Variants in UVSSA observed in about 807,000 individuals in gnomAD.
UVSSA encodes the protein UV-stimulated scaffold protein A.
Under a neutral mutation model 73.9 loss-of-function variants are expected in UVSSA, and 72 were observed. The observed-to-expected ratio is 0.97, with a 90% CI of 0.81 to 1.19. The LOEUF is 1.19. Ranked by LOEUF, UVSSA falls within the 50% of genes most tolerant of loss-of-function variation. The probability of loss-of-function intolerance (pLI) is 0.00; values close to 1 mark genes in which losing one functional copy is unlikely to be tolerated. For missense variants in UVSSA, 1,150 were observed against 965.0 expected, an observed-to-expected ratio of 1.19 and a Z score of -2.54; for synonymous variants, 454 against 391.3, an observed-to-expected ratio of 1.16 and a Z score of -1.89.
chr4:1,376,259 T>C, intron 10 of UVSSA, 91 bp downstream of exon 10: 1 of 1,452,296 alleles, frequency 6.9e-7, no homozygotes, highest in South Asian at 1.4e-5. Flanking sequence ...CCTCCCTGGG[T>C]CTGAGGAAGC....
intron 7 of UVSSA, among the ~76,000 whole-genome samples, chr4:1,359,813 G>A (rs913679400): frequency 2.0e-5 from 3 of 152,204 alleles, no homozygotes; most frequent in South Asian, 4.1e-4. Flanking sequence ...GATGCCAGAA[G>A]CATTCTGCCC....
intron 5 of UVSSA, among the ~76,000 whole-genome samples, chr4:1,353,722 C>T (rs1474345479): frequency 6.6e-6 from 1 of 152,176 alleles, no homozygotes; most frequent in South Asian, 2.1e-4. Context: ...TGTTGCGGTC[C>T]TCAAAGGATG....
At chr4:1,366,166 G>A (rs1044937484) in intron 7 of UVSSA, 154 bp from the exon 8 acceptor site, 3 of 639,222 alleles carry the variant, frequency 4.7e-6, no homozygotes, top group Non-Finnish European at 8.4e-6. Context: ...CCTTGGAGAC[G>A]ATCTTAAATG....
At chr4:1,376,773 C>T (rs1262692452) in intron 10 of UVSSA, among the ~76,000 whole-genome samples, 1 of 152,224 alleles carries the variant, frequency 6.6e-6, no homozygotes, top group Non-Finnish European at 1.5e-5. Context: ...AGCTCGCTGG[C>T]ACGGCCTATC....
At chr4:1,365,422 C>T (rs1717176931) in intron 7 of UVSSA, among the ~76,000 whole-genome samples, 1 of 152,228 alleles carries the variant, frequency 6.6e-6, no homozygotes, top group Non-Finnish European at 1.5e-5. Flanking sequence ...CCTGCCTCTG[C>T]CCACTAAGTC....
chr4:1,358,294 C>CAG (rs1451356611), intron 7 of UVSSA, among the ~76,000 whole-genome samples: 1 of 152,248 alleles, frequency 6.6e-6, no homozygotes, highest in Non-Finnish European at 1.5e-5. Context: ...ATGGTCTGGC[C>CAG]AGCAGATGTG....
chr4:1,353,987 C>T (rs990603514), intron 5 of UVSSA, among the ~76,000 whole-genome samples: 2 of 152,252 alleles, frequency 1.3e-5, no homozygotes, highest in Admixed American at 1.3e-4. Context: ...CTGCTGCCCC[C>T]CTGGGGTGTG....
At chr4:1,344,310 G>A (rs1312797913), upstream of UVSSA, among the ~76,000 whole-genome samples, 2 of 152,014 alleles carry the variant, frequency 1.3e-5, no homozygotes, top group African/African-American at 2.4e-5. Context: ...CAACACTTTC[G>A]GAGGCTGAGG....
chr4:1,369,115 ACGTTCTGC>A (rs112656207), intron 8 of UVSSA, among the ~76,000 whole-genome samples: 11,507 of 152,152 alleles, frequency 0.076, 928 homozygotes, highest in East Asian at 0.24. Flanking sequence ...AGGGCTAACC[ACGTTCTGC>A]CGTTCTGCCG....
intron 7 of UVSSA, 144 bp from the exon 8 acceptor site, chr4:1,366,176 G>A (rs1419323796): frequency 6.0e-6 from 4 of 666,260 alleles, no homozygotes; most frequent in Non-Finnish European, 1.1e-5. Context: ...GATCTTAAAT[G>A]CAGTCCAACC....
chr4:1,355,218 C>A lies in UVSSA; in HGVS notation c.1149C>A (p.Ile383=), dbSNP rs146589878. The part of the protein sequence containing the change: ...LVLRKYKELD[I]EPEGGERRRT... ...TGAGAAAATACAAGGAGCTGGACAT[C>A]GAGCCTGAGGGAGGGGAAAGGCGCA... Residue 383 remains isoleucine, a synonymous_variant, in exon 7 of 14, where the codon ATC becomes ATA. Transcript: ENST00000389851. 4.3e-6 allele frequency: 7 copies of A among 1,612,678 alleles called. No homozygotes were observed. The South Asian group carries it at 6.6e-5, about 15-fold the overall frequency.
chr4:1,376,258 G>A, intron 10 of UVSSA, 90 bp downstream of exon 10: 1 of 1,453,002 alleles, frequency 6.9e-7, no homozygotes, highest in Admixed American at 2.5e-5. Context: ...GCCTCCCTGG[G>A]TCTGAGGAAG....
chr4:1,344,423 C>T (rs566865150), upstream of UVSSA, among the ~76,000 whole-genome samples: 60 of 152,026 alleles, frequency 3.9e-4, no homozygotes, highest in Admixed American at 2.7e-3. Context: ...TGGTGGTGGG[C>T]GCCTGTAATC....
At chr4:1,378,798 G>C (rs1357002670) in intron 10 of UVSSA, among the ~76,000 whole-genome samples, 1 of 152,164 alleles carries the variant, frequency 6.6e-6, no homozygotes, top group South Asian at 2.1e-4. Context: ...CGGGGGAGCC[G>C]CATGTACCTC....
chr4:1,394,500 C>G, exon 14 of UVSSA: 3 of 1,612,624 alleles, frequency 1.9e-6, no homozygotes, highest in South Asian at 1.1e-5. Flanking sequence ...TCCAGGTGTC[C>G]CTGCACCTCT....
At chr4:1,384,004 G>T (rs1719818773) in intron 13 of UVSSA, 64 bp downstream of exon 13, 4 of 1,507,056 alleles carry the variant, frequency 2.7e-6, no homozygotes, top group Admixed American at 2.2e-5. Context: ...GTTCGAGGGG[G>T]GCCATCTGAG....
intron 5 of UVSSA, chr4:1,354,475 G>C: frequency 2.0e-6 from 1 of 507,788 alleles, no homozygotes; most frequent in Non-Finnish European, 3.6e-6. Flanking sequence ...AGATGGGATG[G>C]CTGCAGCCAA....
intron 13 of UVSSA, chr4:1,385,541 G>A (rs1720017313): frequency 2.8e-6 from 1 of 357,124 alleles, no homozygotes; most frequent in Non-Finnish European, 5.3e-6. Context: ...GGGAGGCCAA[G>A]GGGGAGGCTG....
At chr4:1,389,003 G>A (rs1396125350), downstream of UVSSA, 3 of 152,146 alleles carry the variant, frequency 2.0e-5, no homozygotes, top group African/African-American at 7.2e-5. Context: ...GTGAAAGATT[G>A]TTGTTAATTA....
Sources: gnomAD v4.1 joint callset for allele counts (sites outside exome capture counted in the v4.1 genomes callset) on GRCh38, gnomAD v4.1.1 for gene constraint, MANE v1.5 for transcripts, NCBI Gene and HGNC (gene_info 2026-07-23, HGNC 2026-07-21) for gene names.